Variants in CNTNAP5 observed in about 807,000 individuals in gnomAD.
The protein encoded by CNTNAP5 is contactin associated protein family member 5, also known as contactin-associated protein-like 5.
In CNTNAP5, 72 loss-of-function variants were observed where a neutral mutation model predicts 150.2. The ratio of observed to expected loss-of-function variants is 0.48; its 90% CI spans 0.40 to 0.58. The LOEUF is 0.58. Among genes scored for constraint, CNTNAP5 ranks in the 20% least tolerant of loss-of-function variants. CNTNAP5 has a pLI of 0.00. For missense variants in CNTNAP5, 1,636 were observed against 1,626.2 expected, an observed-to-expected ratio of 1.01 and a Z score of -0.10; for synonymous variants, 672 against 619.8, an observed-to-expected ratio of 1.08 and a Z score of -1.25.
intron 3 of CNTNAP5, among the ~76,000 whole-genome samples, chr2:124,361,216 T>G (rs1245919801): frequency 1.4e-5 from 2 of 143,344 alleles, no homozygotes; most frequent in African/African-American, 5.4e-5. Context: ...TCTTCTAAAT[T>G]TTTTTCAAAG....
chr2:124,179,787 A>G (rs1685166253), intron 1 of CNTNAP5, among the ~76,000 whole-genome samples: 1 of 152,212 alleles, frequency 6.6e-6, no homozygotes, highest in African/African-American at 2.4e-5. Context: ...TAACAAAATT[A>G]ACAGGATTTC....
intron 1 of CNTNAP5, among the ~76,000 whole-genome samples, chr2:124,168,466 C>T (rs1391507688): frequency 6.6e-6 from 1 of 152,098 alleles, no homozygotes; most frequent in Non-Finnish European, 1.5e-5. Flanking sequence ...ATTTGTCGGA[C>T]AAAAAGTTCT....
intron 13 of CNTNAP5, among the ~76,000 whole-genome samples, chr2:124,683,843 A>G (rs1679125368): frequency 6.6e-6 from 1 of 152,212 alleles, no homozygotes; most frequent in South Asian, 2.1e-4. Context: ...TTAGGCAACT[A>G]ACGTTTATTG....
intron 1 of CNTNAP5, among the ~76,000 whole-genome samples, chr2:124,077,928 T>C (rs1055920607): frequency 6.6e-6 from 1 of 152,222 alleles, no homozygotes; most frequent in Admixed American, 6.5e-5. Context: ...CATATGGACA[T>C]GGTTTACCAT....
intron 1 of CNTNAP5, among the ~76,000 whole-genome samples, chr2:124,207,037 C>A (rs1187507712): frequency 6.6e-6 from 1 of 152,128 alleles, no homozygotes; most frequent in Non-Finnish European, 1.5e-5. Context: ...CAAATGGTAG[C>A]CATTCACATT....
intron 19 of CNTNAP5, among the ~76,000 whole-genome samples, chr2:124,864,405 T>G (rs529863710): frequency 6.6e-6 from 1 of 152,290 alleles, no homozygotes; most frequent in African/African-American, 2.4e-5. Context: ...TACAATATAC[T>G]TTTGTTAACT....
intron 13 of CNTNAP5, among the ~76,000 whole-genome samples, chr2:124,715,158 G>A (rs1410463594): frequency 2.6e-5 from 4 of 152,186 alleles, no homozygotes; most frequent in African/African-American, 7.2e-5. Context: ...TTTCACTGAA[G>A]AGAATGCCAT....
intron 19 of CNTNAP5, among the ~76,000 whole-genome samples, chr2:124,823,793 G>A (rs1206302031): frequency 6.6e-6 from 1 of 152,262 alleles, no homozygotes; most frequent in African/African-American, 2.4e-5. Flanking sequence ...TATGTGAAAT[G>A]CCAAGCAAGT....
intron 6 of CNTNAP5, among the ~76,000 whole-genome samples, chr2:124,457,431 T>C (rs144246388): frequency 1.3e-5 from 2 of 151,974 alleles, no homozygotes; most frequent in African/African-American, 4.8e-5. Context: ...AGGACTAATA[T>C]CCAGAAACTA....
chr2:124,913,991 C>T, intron 23 of CNTNAP5, 101 bp from the exon 24 acceptor site: 5 of 758,502 alleles, frequency 6.6e-6, no homozygotes. Context: ...TTTTGTTTTG[C>T]TTTCTCTCCT....
chr2:124,474,207 T>C (rs1693587014), intron 6 of CNTNAP5, among the ~76,000 whole-genome samples: 1 of 152,090 alleles, frequency 6.6e-6, no homozygotes, highest in African/African-American at 2.4e-5. Context: ...ATCACATTGA[T>C]TCTTAATTAC....
Position 124,918,095 on chromosome 2 carries a change from A to T in CNTNAP5, c.*3807A>T, listed in dbSNP as rs186258516. On this transcript the variant is annotated 3_prime_UTR_variant, in exon 24 of 24. Coordinates refer to ENST00000682447, the MANE Select transcript of CNTNAP5 (RefSeq NM_001367498.1). The stretch of plus-strand genomic sequence containing the variant: ...TCTGCCATACATTTGAGGAGGCTGA[A>T]TTCTCTACATTCTTGTTTCGGGTCA... Among the ~76,000 whole-genome samples the T allele has an allele frequency of 6.6e-6, 1 of 152,186 alleles. No individual in the cohort carries two copies. The highest frequency in any genetic ancestry group is 2.4e-5 in the African/African-American group (1 of 41,546).
At chr2:124,466,188 G>A (rs1052231953) in intron 6 of CNTNAP5, among the ~76,000 whole-genome samples, 5 of 151,886 alleles carry the variant, frequency 3.3e-5, no homozygotes, top group Admixed American at 2.0e-4. Flanking sequence ...TTTCTTTAAA[G>A]GTGGTTATTA....
chr2:124,166,681 C>G (rs1257086904), intron 1 of CNTNAP5, among the ~76,000 whole-genome samples: 1 of 152,166 alleles, frequency 6.6e-6, no homozygotes, highest in Non-Finnish European at 1.5e-5. Context: ...CTACTATTTC[C>G]AGTTCCTTAG....
intron 1 of CNTNAP5, among the ~76,000 whole-genome samples, chr2:124,114,205 C>G (rs1683372795): frequency 6.6e-6 from 1 of 151,942 alleles, no homozygotes; most frequent in African/African-American, 2.4e-5. Context: ...AGGATTAGTT[C>G]AGGAATAACT....
rs370057725 is a variant in CNTNAP5, at chr2:124,538,531, G to GGAAA, written c.1649+11090_1649+11093dup. ...ACTCTGTCAGAAAAGAAAGAAAGAA[G>GGAAA]GAAAGAAAGAAAGAAAGAGAGAAAG... On this transcript the variant is annotated intron_variant, in intron 10 of 23. Transcript: ENST00000682447. 5.5e-3 allele frequency among the ~76,000 whole-genome samples: 585 copies of GGAAA among 105,676 alleles called. 4 individuals are homozygous for GGAAA. The highest frequency in any genetic ancestry group is 0.019 in the African/African-American group (534 of 28,156). The allele number at this position is 105,676 out of a possible 152,430, so 69.3% of individuals were successfully genotyped here. A position where few individuals can be genotyped will look rare whatever the true frequency, so the allele number is the denominator to read the frequency against.
At chr2:124,614,051 A>C (rs920833480) in intron 12 of CNTNAP5, among the ~76,000 whole-genome samples, 1 of 152,198 alleles carries the variant, frequency 6.6e-6, no homozygotes, top group Non-Finnish European at 1.5e-5. Context: ...CACACTTGTC[A>C]GACTTTTAAC....
intron 12 of CNTNAP5, among the ~76,000 whole-genome samples, chr2:124,644,011 C>T (rs1678151211): frequency 6.6e-6 from 1 of 152,228 alleles, no homozygotes; most frequent in Non-Finnish European, 1.5e-5. Context: ...TTGCTGACTC[C>T]AGAGCCCATA....
At chr2:124,350,182 G>A (rs946025740) in intron 3 of CNTNAP5, among the ~76,000 whole-genome samples, 1 of 151,824 alleles carries the variant, frequency 6.6e-6, no homozygotes, top group Non-Finnish European at 1.5e-5. Flanking sequence ...ATTCCCGGCC[G>A]ACTTCTGGCT....
Sources: allele counts gnomAD v4.1 joint callset (sites outside exome capture counted in the v4.1 genomes callset), GRCh38; gene constraint gnomAD v4.1.1; transcripts MANE v1.5; gene names NCBI Gene and HGNC (gene_info 2026-07-23, HGNC 2026-07-21).